Variants in VDR observed in about 807,000 individuals in gnomAD.
VDR encodes the protein vitamin D receptor.
VDR carries 19 observed loss-of-function variants against 39.7 expected under a neutral mutation model. That is an observed-to-expected ratio of 0.48 (90% CI 0.33 to 0.70). VDR has a LOEUF of 0.70. Among genes scored for constraint, VDR ranks in the 30% least tolerant of loss-of-function variants. The pLI is 0.02. For missense variants in VDR, 442 were observed against 570.5 expected, an observed-to-expected ratio of 0.77 and a Z score of 2.29; for synonymous variants, 242 against 215.8, an observed-to-expected ratio of 1.12 and a Z score of -1.07.
chr12:47,872,603 G>C (rs1945905594), intron 3 of VDR, among the ~76,000 whole-genome samples: 1 of 152,190 alleles, frequency 6.6e-6, no homozygotes, highest in African/African-American at 2.4e-5. Context: ...GTCCAGTTCT[G>C]TTGAGCACCA....
At chr12:47,866,832 A>ATACAAAAAT (rs1945745594) in intron 3 of VDR, among the ~76,000 whole-genome samples, 1 of 151,816 alleles carries the variant, frequency 6.6e-6, no homozygotes, top group Non-Finnish European at 1.5e-5. Context: ...TCTACTAAAA[A>ATACAAAAAT]TACAAAAATT....
At chr12:47,871,319 TTTC>T (rs1487601150) in intron 3 of VDR, among the ~76,000 whole-genome samples, 9 of 140,736 alleles carry the variant, frequency 6.4e-5, no homozygotes, top group African/African-American at 2.2e-4. Flanking sequence ...TCTTTCTTTC[TTTC>T]TTTCTTTCTT....
chr12:47,846,184 G>A (rs1945275694), intron 9 of VDR, 151 bp downstream of exon 9: 1 of 690,888 alleles, frequency 1.4e-6, no homozygotes, highest in Non-Finnish European at 2.6e-6. Context: ...CACCACAGGG[G>A]CTCTGCAAAC....
chr12:47,857,166 G>A lies in VDR; in HGVS notation c.546C>T (p.Ser182=). The change falls in exon 6 of 10, where the codon TCC becomes TCT. Residue 182 remains serine, a synonymous_variant. Transcript: ENST00000549336. ...SRHTPSFSGD[S]SSSCSDHCIT... is the part of the protein sequence containing the mutation. ...TACAGTGATCTGAGCAGGAGGAGGAGGAGTCCCCAGAGAAGCTGGGAGTGT... is the reference window on the plus strand; with the variant it reads ...TACAGTGATCTGAGCAGGAGGAGGAAGAGTCCCCAGAGAAGCTGGGAGTGT... The A allele has an allele frequency of 2.5e-6, 4 of 1,614,224 alleles. No individual in the cohort carries two copies. Among genetic ancestry groups the A allele is most frequent in the Non-Finnish European group, 3.4e-6 (4 of 1,180,040 alleles).
intron 9 of VDR, among the ~76,000 whole-genome samples, chr12:47,845,281 G>A (rs1160610364): frequency 6.6e-6 from 1 of 151,726 alleles, no homozygotes; most frequent in Non-Finnish European, 1.5e-5. Context: ...ATCCCTCAGC[G>A]TCCCGATGCG....
intron 1 of VDR, among the ~76,000 whole-genome samples, chr12:47,897,608 T>C (rs1464765386): frequency 6.6e-6 from 1 of 152,222 alleles, no homozygotes; most frequent in African/African-American, 2.4e-5. Context: ...GCTACCAGGA[T>C]GGTGAGTGTA....
At chr12:47,866,554 T>C (rs1247523320) in intron 3 of VDR, among the ~76,000 whole-genome samples, 1 of 152,054 alleles carries the variant, frequency 6.6e-6, no homozygotes, top group Non-Finnish European at 1.5e-5. Context: ...GATGTGTACA[T>C]GGAAGGAAGA....
intron 1 of VDR, among the ~76,000 whole-genome samples, chr12:47,883,624 C>G (rs527314051): frequency 3.7e-4 from 56 of 152,314 alleles, no homozygotes; most frequent in African/African-American, 1.3e-3. Context: ...CAGACAGACA[C>G]ACACACACAC....
intron 4 of VDR, among the ~76,000 whole-genome samples, chr12:47,862,513 G>A (rs886699983): frequency 6.6e-6 from 1 of 152,254 alleles, no homozygotes; most frequent in African/African-American, 2.4e-5. Flanking sequence ...AGGGAGTGTT[G>A]TGAGAATTTC....
In VDR at chr12:47,855,647, C is replaced by T. The variant is rs776213237; in HGVS notation, c.738G>A (p.Lys246=). 2.5e-6 allele frequency: 4 copies of T among 1,614,206 alleles called. No homozygotes were observed. Among genetic ancestry groups the T allele is most frequent in the Non-Finnish European group, 3.4e-6 (4 of 1,180,034 alleles). The change falls in exon 7 of 10, where the codon AAG becomes AAA. Residue 246 remains lysine (K), a synonymous_variant. Coordinates refer to ENST00000549336, the MANE Select transcript of VDR (RefSeq NM_000376.3). ...YSIQKVIGFA[K]MIPGFRDLTS... ...TTTCTTACCTGAATCCTGGTATCAT[C>T]TTAGCAAAGCCAATGACCTTTTGGA...
intron 3 of VDR, among the ~76,000 whole-genome samples, chr12:47,865,917 G>A (rs1178806364): frequency 3.3e-5 from 5 of 151,250 alleles, no homozygotes; most frequent in African/African-American, 4.9e-5. Context: ...GGGTTTCACC[G>A]TGTTAGCCAG....
At chr12:47,877,681 G>A (rs1005509442) in intron 3 of VDR, among the ~76,000 whole-genome samples, 4 of 152,146 alleles carry the variant, frequency 2.6e-5, no homozygotes, top group Non-Finnish European at 4.4e-5. Context: ...AAGGGTCCAT[G>A]TGTCACCTGG....
chr12:47,894,391 G>T (rs778828401), intron 1 of VDR, among the ~76,000 whole-genome samples: 1 of 152,238 alleles, frequency 6.6e-6, no homozygotes, highest in Non-Finnish European at 1.5e-5. Flanking sequence ...TCAGAACCTA[G>T]ATTCAATTAA....
intron 3 of VDR, among the ~76,000 whole-genome samples, chr12:47,875,939 C>T (rs1175992504): frequency 3.3e-5 from 5 of 152,210 alleles, no homozygotes; most frequent in South Asian, 2.1e-4. Flanking sequence ...AGGCACATCA[C>T]GGCCTTGCAC....
chr12:47,855,885 G>A (rs1024185920), intron 6 of VDR, 84 bp from the exon 7 acceptor site: 15 of 1,558,280 alleles, frequency 9.6e-6, no homozygotes, highest in Middle Eastern at 2.3e-4. Context: ...AAAACCTGGT[G>A]TGCCCTGGCA....
At chr12:47,880,418 G>C (rs1159432895) in intron 2 of VDR, among the ~76,000 whole-genome samples, 1 of 150,854 alleles carries the variant, frequency 6.6e-6, no homozygotes, top group Non-Finnish European at 1.5e-5. Context: ...TGGTGTAGAT[G>C]CTATTATCAT....
chr12:47,859,143 T>C (rs74085259), intron 4 of VDR, among the ~76,000 whole-genome samples: 2,106 of 152,308 alleles, frequency 0.014, 50 homozygotes, highest in African/African-American at 0.047. Flanking sequence ...AAGCCCTCGC[T>C]TGGGGAGCCC....
chr12:47,845,060 C>T lies in VDR; in HGVS notation c.1025-55G>A, dbSNP rs1945253712. The stretch of plus-strand genomic sequence containing the variant: ...CAGGAGCTCTCAGCTGGGCCCCTCA[C>T]TGCTCAATCCCACCACCCCCCACCC... On this transcript the variant is annotated intron_variant, in intron 9 of 9. Transcript: ENST00000549336. 21 of 1,599,722 alleles carry T rather than the reference C, an allele frequency of 1.3e-5. No homozygotes were observed. The South Asian group carries it at 2.3e-4, about 18-fold the overall frequency.
intron 4 of VDR, among the ~76,000 whole-genome samples, chr12:47,864,513 G>A (rs186210351): frequency 1.8e-4 from 27 of 152,280 alleles, no homozygotes; most frequent in Middle Eastern, 6.8e-3. Flanking sequence ...TGCTCAAGGC[G>A]CCAGAGAGGC....
Sources: gnomAD v4.1 joint callset for allele counts (sites outside exome capture counted in the v4.1 genomes callset) on GRCh38, gnomAD v4.1.1 for gene constraint, MANE v1.5 for transcripts, NCBI Gene and HGNC (gene_info 2026-07-23, HGNC 2026-07-21) for gene names.